The following MLPH variants were observed in gnomAD, a reference collection of about 807,000 sequenced individuals.
The protein encoded by MLPH is melanophilin.
MLPH carries 51 observed loss-of-function variants against 72.1 expected under a neutral mutation model. The ratio of observed to expected loss-of-function variants is 0.71; its 90% confidence interval spans 0.56 to 0.89. MLPH has a LOEUF of 0.89. MLPH is among the 40% of genes least tolerant of loss of function. The pLI, the probability that MLPH is intolerant of heterozygous loss-of-function variation, is 0.00. For synonymous variants in MLPH, 301 were observed against 310.1 expected (o/e 0.97, Z 0.31); for missense variants, 743 against 759.9 (o/e 0.98, Z 0.26).
chr2:237,543,059 T>G (rs1574900894), intron 12 of MLPH, among the ~76,000 whole-genome samples: 6 of 33,362 alleles, frequency 1.8e-4, no homozygotes, highest in Admixed American at 3.5e-4. Flanking sequence ...CAGTGGTGAG[T>G]GGGCACGGTA....
At chr2:237,525,952 C>T (rs2080296213) in intron 7 of MLPH, 147 bp downstream of exon 7, 1 of 815,850 alleles carries the variant, frequency 1.2e-6, no homozygotes, top group Non-Finnish European at 2.0e-6. Context: ...GACGTGCAGT[C>T]CCAGCAAACA....
intron 6 of MLPH, among the ~76,000 whole-genome samples, chr2:237,524,885 G>A (rs537614132): frequency 1.3e-5 from 2 of 152,188 alleles, no homozygotes; most frequent in Admixed American, 1.3e-4. Flanking sequence ...CACCCAGGCC[G>A]GTCTGAAGAC....
chr2:237,507,371 G>A (rs2106491414), intron 2 of MLPH: 1 of 152,152 alleles, frequency 6.6e-6, no homozygotes, highest in Non-Finnish European at 1.5e-5. Flanking sequence ...CCGGCCAGTT[G>A]GTAGTTTCTT....
chr2:237,498,764 G>C (rs1230892773), intron 2 of MLPH, among the ~76,000 whole-genome samples: 2 of 152,218 alleles, frequency 1.3e-5, no homozygotes, highest in Admixed American at 1.3e-4. Flanking sequence ...TAGAGTGGGA[G>C]GGCTGTTCCT....
At chr2:237,504,634 C>T (rs2079725783) in intron 2 of MLPH, among the ~76,000 whole-genome samples, 1 of 152,226 alleles carries the variant, frequency 6.6e-6, no homozygotes, top group South Asian at 2.1e-4. Flanking sequence ...CCTGCATGAC[C>T]TCCACTCTGT....
At chr2:237,545,341 C>T (rs947946617) in intron 12 of MLPH, 10 of 842,414 alleles carry the variant, frequency 1.2e-5, no homozygotes, top group South Asian at 1.2e-4. Context: ...GGATCCTGGG[C>T]CCCCCACCTC....
chr2:237,499,733 C>A (rs1372553718), intron 2 of MLPH, among the ~76,000 whole-genome samples: 1 of 152,072 alleles, frequency 6.6e-6, no homozygotes, highest in African/African-American at 2.4e-5. Flanking sequence ...GTAATTTTAT[C>A]CCATTTTACT....
At chr2:237,549,726 T>C (rs1027799320) in intron 14 of MLPH, among the ~76,000 whole-genome samples, 2 of 152,110 alleles carry the variant, frequency 1.3e-5, no homozygotes, top group African/African-American at 4.8e-5. Context: ...TCTCATTCAC[T>C]CACCTTGTGA....
intron 12 of MLPH, among the ~76,000 whole-genome samples, chr2:237,544,416 T>TG (rs2080833543): frequency 2.9e-5 from 1 of 34,570 alleles, no homozygotes; most frequent in East Asian, 8.5e-4. Context: ...CAGTGGTGAG[T>TG]CGGGGGACAG....
Position 237,518,580 on chromosome 2 carries a change from G to A in MLPH, c.487G>A (p.Asp163Asn), listed in dbSNP as rs3751108. The stretch of plus-strand genomic sequence containing the variant: ...ATCTGAAGAGAGAAGTGGAGACAGC[G>A]ACCAGACAGATGAGGATGGAGAACC... ...LISEERSGDS[D>N]QTDEDGEPGS... The change falls in exon 5 of 16, where the codon GAC becomes AAC. Residue 163 changes from aspartate (D) to asparagine (N), a missense_variant. Coordinates refer to ENST00000264605, the MANE Select transcript of MLPH (RefSeq NM_024101.7). The A allele has an allele frequency of 8.5e-4, 1,376 of 1,613,852 alleles. 30 individuals are homozygous for A. The East Asian group carries it at 0.027, about 32-fold the overall frequency.
rs117168763 is a variant in MLPH, at chr2:237,538,116, C to T, written c.1105-2232C>T. Among the ~76,000 whole-genome samples, 40 of 152,326 alleles carry T rather than the reference C, an allele frequency of 2.6e-4. 1 individual carries two copies. In the East Asian group the frequency reaches 4.4e-3, roughly 17 times the overall value. On this transcript the variant is annotated intron_variant, in intron 9 of 15. Coordinates refer to ENST00000264605, the MANE Select transcript of MLPH (RefSeq NM_024101.7). ...CTCTGCTCCCAGCACCGGCTCCTGACGATGGGGAGGTGGCCGTGAACAAAG... is the reference window on the plus strand; with the variant it reads ...CTCTGCTCCCAGCACCGGCTCCTGATGATGGGGAGGTGGCCGTGAACAAAG...
chr2:237,510,137 G>A lies in MLPH; in HGVS notation c.111-437G>A, dbSNP rs899812364. 7.0e-6 allele frequency: 2 copies of A among 286,262 alleles called. No homozygotes were observed. Among genetic ancestry groups the A allele is most frequent in the Admixed American group, 4.8e-5 (1 of 20,706 alleles). The allele number at this position is 286,262 out of a possible 1,614,324, so 17.7% of individuals were successfully genotyped here. On this transcript the variant is annotated intron_variant, in intron 2 of 15. Transcript: ENST00000264605. The surrounding 1 kb of genome is among the most constrained non-coding windows in gnomAD (Gnocchi z 4.4). ...GAGCCATTTCAGCTGCGCTCTAGAG[G>A]AGCAAACCTGGGGCGTTAGCTCAAC...
At chr2:237,487,688 G>C (rs2079345669) in intron 1 of MLPH, among the ~76,000 whole-genome samples, 1 of 152,254 alleles carries the variant, frequency 6.6e-6, no homozygotes, top group Non-Finnish European at 1.5e-5. Context: ...GAGTGGGATG[G>C]CGGGGGATCC....
intron 8 of MLPH, among the ~76,000 whole-genome samples, chr2:237,530,889 G>C (rs1210295126): frequency 1.3e-5 from 2 of 152,228 alleles, no homozygotes; most frequent in Non-Finnish European, 1.5e-5. Context: ...ACTCAGAGCA[G>C]ACCCAGTGCT....
chr2:237,538,996 AAGGAGGGAGCCGCTGCAGG>A (rs1159778751), intron 9 of MLPH, among the ~76,000 whole-genome samples: 1 of 152,190 alleles, frequency 6.6e-6, no homozygotes, highest in African/African-American at 2.4e-5. Context: ...CTAAGGTCCC[AAGGAGGGAGCCGCTGCAGG>A]AGACAGCCCG....
Position 237,527,380 on chromosome 2 carries a change from C to T in MLPH, c.884C>T (p.Ser295Leu), listed in dbSNP as rs755444845. Residue 295 changes from serine (S) to leucine (L), a missense_variant, in exon 8 of 16, where the codon TCG becomes TTG. Ser to Leu is a moderately radical substitution (Grantham distance 145, BLOSUM62 -2). Transcript: ENST00000264605. ...CAAACCCACTCTCGCTCTGAAGGGTCGAATGTCATCAGGAATGAGCAGCTG... is the reference window on the plus strand; with the variant it reads ...CAAACCCACTCTCGCTCTGAAGGGTTGAATGTCATCAGGAATGAGCAGCTG... ...MALGTAAALG[S>L]NVIRNEQLPL... 48 of 1,614,150 alleles carry T rather than the reference C, an allele frequency of 3.0e-5. No homozygotes were observed. The highest frequency in any genetic ancestry group is 2.2e-4 in the Admixed American group (13 of 60,010).
At chr2:237,525,303 T>A (rs193085024) in intron 6 of MLPH, among the ~76,000 whole-genome samples, 42 of 152,316 alleles carry the variant, frequency 2.8e-4, no homozygotes, top group African/African-American at 9.6e-4. Context: ...TGAGGCTGTG[T>A]CAGGAGAGTT....
intron 12 of MLPH, 31 bp downstream of exon 12, chr2:237,542,690 G>C: frequency 7.4e-7 from 1 of 1,359,246 alleles, no homozygotes; most frequent in Non-Finnish European, 1.0e-6. Context: ...AGTGGAGACA[G>C]TGCTGAGTGG....
At chr2:237,494,991 G>T (rs1030984326) in intron 2 of MLPH, among the ~76,000 whole-genome samples, 2 of 152,204 alleles carry the variant, frequency 1.3e-5, no homozygotes, top group Non-Finnish European at 2.9e-5. Flanking sequence ...CTACATTCCA[G>T]CTGGAGGCTG....
Sources: gnomAD v4.1 joint callset for allele counts (sites outside exome capture counted in the v4.1 genomes callset) on GRCh38, gnomAD v4.1.1 for gene constraint, Gnocchi (gnomAD v3.1) non-coding constraint, MANE v1.5 for transcripts, NCBI Gene and HGNC (gene_info 2026-07-23, HGNC 2026-07-21) for gene names.